The following CNTNAP2 variants were observed in gnomAD, a reference collection of about 807,000 sequenced individuals.
CNTNAP2 encodes the protein contactin associated protein 2, also known as contactin-associated protein-like 2.
Under a neutral mutation model 155.2 loss-of-function variants are expected in CNTNAP2, and 98 were observed. That is an observed-to-expected ratio of 0.63 (90% CI 0.54 to 0.75). The LOEUF is 0.75. Ranked by LOEUF, CNTNAP2 falls within the 30% of genes least tolerant of loss-of-function variation. The pLI is 0.00. For missense variants in CNTNAP2, 1,727 were observed against 1,688.1 expected (o/e 1.02, Z -0.40); for synonymous variants, 651 against 631.2 (o/e 1.03, Z -0.47).
intron 13 of CNTNAP2, among the ~76,000 whole-genome samples, chr7:147,716,263 AC>A (rs1297401680): frequency 6.6e-6 from 1 of 152,174 alleles, no homozygotes; most frequent in Non-Finnish European, 1.5e-5. Flanking sequence ...GGATGCAGAC[AC>A]ACAGAGTGAG....
At chr7:147,272,949 A>C (rs573980914) in intron 8 of CNTNAP2, among the ~76,000 whole-genome samples, 1 of 152,154 alleles carries the variant, frequency 6.6e-6, no homozygotes, top group African/African-American at 2.4e-5. Context: ...ATAAAATGAT[A>C]TGTGAATTGT....
intron 1 of CNTNAP2, among the ~76,000 whole-genome samples, chr7:146,490,722 G>A (rs1183519279): frequency 6.6e-6 from 1 of 152,112 alleles, no homozygotes; most frequent in Non-Finnish European, 1.5e-5. Context: ...CATATTTTTA[G>A]AGTTCTCTTT....
At chr7:147,718,860 A>C (rs1563064126) in intron 13 of CNTNAP2, among the ~76,000 whole-genome samples, 1 of 152,174 alleles carries the variant, frequency 6.6e-6, no homozygotes, top group Non-Finnish European at 1.5e-5. Context: ...TAACACATGT[A>C]AGTTTCCAGT....
intron 13 of CNTNAP2, among the ~76,000 whole-genome samples, chr7:147,772,388 A>G (rs1054043356): frequency 7.7e-6 from 1 of 130,262 alleles, no homozygotes; most frequent in African/African-American, 3.6e-5. Context: ...CAGCAGAGTG[A>G]CACTTTGTCT....
intron 11 of CNTNAP2, among the ~76,000 whole-genome samples, chr7:147,510,481 G>A (rs1262968264): frequency 6.6e-6 from 1 of 151,750 alleles, no homozygotes; most frequent in Non-Finnish European, 1.5e-5. Flanking sequence ...AGCAGACAAG[G>A]AAATATGGTA....
At chr7:147,065,216 G>A (rs988240476) in intron 4 of CNTNAP2, among the ~76,000 whole-genome samples, 10 of 152,162 alleles carry the variant, frequency 6.6e-5, no homozygotes, top group Admixed American at 3.3e-4. Flanking sequence ...GATAATAGCC[G>A]TTATTTAATA....
At chr7:146,338,595 A>C (rs990004478) in intron 1 of CNTNAP2, among the ~76,000 whole-genome samples, 3 of 151,368 alleles carry the variant, frequency 2.0e-5, no homozygotes, top group African/African-American at 7.3e-5. Context: ...CTTCACCTCC[A>C]CTCCCCTTAC....
chr7:148,277,839 A>T (rs1416199579), intron 21 of CNTNAP2, among the ~76,000 whole-genome samples: 1 of 151,812 alleles, frequency 6.6e-6, no homozygotes, highest in Non-Finnish European at 1.5e-5. Flanking sequence ...CAAAAAAAAA[A>T]AGCACCATCT....
At chr7:147,375,545 T>C (rs1796420196) in intron 9 of CNTNAP2, among the ~76,000 whole-genome samples, 1 of 152,008 alleles carries the variant, frequency 6.6e-6, no homozygotes, top group Non-Finnish European at 1.5e-5. Context: ...CCTTGAGTGG[T>C]GTAGGGGGCC....
intron 1 of CNTNAP2, among the ~76,000 whole-genome samples, chr7:146,529,794 G>A (rs1273085254): frequency 4.0e-5 from 6 of 151,882 alleles, no homozygotes; most frequent in South Asian, 2.1e-4. Flanking sequence ...GTGAAACCCC[G>A]TCTCTACTAA....
chr7:147,975,059 A>C (rs71301206), intron 14 of CNTNAP2, among the ~76,000 whole-genome samples: 19,055 of 150,772 alleles, frequency 0.13, 1,906 homozygotes, highest in African/African-American at 0.28. Context: ...CGTATAATAC[A>C]ATTTTTTGTA....
intron 1 of CNTNAP2, among the ~76,000 whole-genome samples, chr7:146,691,275 A>T (rs1291681056): frequency 6.6e-6 from 1 of 151,660 alleles, no homozygotes; most frequent in Non-Finnish European, 1.5e-5. Flanking sequence ...AAAAACATGT[A>T]AAGATGCTCC....
chr7:147,111,855 T>C (rs993364677), intron 5 of CNTNAP2, among the ~76,000 whole-genome samples: 4 of 152,196 alleles, frequency 2.6e-5, no homozygotes, highest in Non-Finnish European at 5.9e-5. Context: ...TGGACTCTTT[T>C]TTGGTTCCAT....
chr7:146,535,754 CT>C (rs1185185868), intron 1 of CNTNAP2, among the ~76,000 whole-genome samples: 2 of 151,908 alleles, frequency 1.3e-5, no homozygotes, highest in African/African-American at 4.8e-5. Flanking sequence ...TTTTCTAACC[CT>C]TTCCCCCTCC....
chr7:146,705,496 A>G (rs1257935301), intron 1 of CNTNAP2, among the ~76,000 whole-genome samples: 3 of 152,094 alleles, frequency 2.0e-5, no homozygotes, highest in African/African-American at 7.2e-5. Flanking sequence ...ATCACCCCGC[A>G]AAATGCTCCA....
At chr7:147,495,166 T>C (rs1191111458) in intron 11 of CNTNAP2, among the ~76,000 whole-genome samples, 2 of 152,180 alleles carry the variant, frequency 1.3e-5, no homozygotes, top group Non-Finnish European at 2.9e-5. Flanking sequence ...GGCAAGTGTG[T>C]ATGATATGAG....
chr7:147,782,751 T>C (rs1563087356), intron 13 of CNTNAP2, among the ~76,000 whole-genome samples: 1 of 152,170 alleles, frequency 6.6e-6, no homozygotes, highest in Non-Finnish European at 1.5e-5. Flanking sequence ...TTATGTCATT[T>C]CCTCTGAACC....
At chr7:146,686,483 C>A (rs1038707208) in intron 1 of CNTNAP2, among the ~76,000 whole-genome samples, 4 of 152,080 alleles carry the variant, frequency 2.6e-5, no homozygotes, top group African/African-American at 9.7e-5. Flanking sequence ...TAAATATGTG[C>A]TAGCCACTGA....
chr7:147,908,646 G>C (rs1356556817), intron 14 of CNTNAP2, among the ~76,000 whole-genome samples: 5 of 152,204 alleles, frequency 3.3e-5, no homozygotes, highest in Non-Finnish European at 5.9e-5. Context: ...TCCAAACACA[G>C]AGAAGGGCTG....
Sources: allele counts gnomAD v4.1 joint callset (sites outside exome capture counted in the v4.1 genomes callset), GRCh38; gene constraint gnomAD v4.1.1; transcripts MANE v1.5; gene names NCBI Gene and HGNC (gene_info 2026-07-23, HGNC 2026-07-21).